The following ANKRD2 variants were observed in gnomAD, a reference collection of about 807,000 sequenced individuals.
ANKRD2 encodes ankyrin repeat domain-containing protein 2.
In ANKRD2, 35 loss-of-function variants were observed where a neutral mutation model predicts 37.3. That is an observed-to-expected ratio of 0.94 (90% CI 0.72 to 1.24). ANKRD2 has a LOEUF of 1.24. Among genes scored for constraint, ANKRD2 ranks in the 50% most tolerant of loss-of-function variants. The pLI is 0.00. For synonymous variants in ANKRD2, 159 were observed against 186.5 expected (o/e 0.85, Z 1.20); for missense variants, 410 against 445.6 (o/e 0.92, Z 0.72).
chr10:97,578,144 G>GGCCCA, intron 2 of ANKRD2, 96 bp from the exon 3 acceptor site: 3 of 685,446 alleles, frequency 4.4e-6, no homozygotes, highest in Non-Finnish European at 5.0e-6. Context: ...GGGTCTTCCT[G>GGCCCA]CCCACCCCAC....
At chr10:97,572,589 C>T, upstream of ANKRD2, 1 of 1,287,102 alleles carries the variant, frequency 7.8e-7, no homozygotes, top group Non-Finnish European at 1.1e-6. Context: ...TCTAATAGGC[C>T]AGGAGTTGGG....
chr10:97,576,668 T>TTTATTTA (rs371802494), intron 1 of ANKRD2, among the ~76,000 whole-genome samples: 4 of 140,466 alleles, frequency 2.8e-5, no homozygotes, highest in Non-Finnish European at 4.6e-5. Context: ...TTAAAACTTA[T>TTTATTTA]TTTATTTATT....
chr10:97,583,113 G>T (rs1250762133), intron 8 of ANKRD2, among the ~76,000 whole-genome samples: 1 of 152,166 alleles, frequency 6.6e-6, no homozygotes, highest in Non-Finnish European at 1.5e-5. Context: ...TAGGCAGGAA[G>T]TCCTTGGAAG....
rs751575047 is a variant in ANKRD2 at position 97,572,805 on chromosome 10, A to G, written c.17A>G (p.Glu6Gly). 7 of 1,577,348 alleles carry G rather than the reference A, an allele frequency of 4.4e-6. No individual in the cohort carries two copies. Among genetic ancestry groups the G allele is most frequent in the Non-Finnish European group, 4.3e-6 (5 of 1,161,904 alleles). Residue 6 changes from glutamate (E) to glycine (G), a missense_variant, in exon 1 of 9, where the codon GAG (glutamate) becomes GGG (glycine). Transcript: ENST00000370655. MDGTM[E>G]DSEAVQRATA... ...GAGGCGGTTATGGACGGCACCATGG[A>G]GGACTCCGAGGCGGTGCAGAGGGCC...
At chr10:97,578,166 GCTTA>G in intron 2 of ANKRD2, 70 bp from the exon 3 acceptor site, 1 of 387,034 alleles carries the variant, frequency 2.6e-6, no homozygotes. Context: ...CTCCCCACCA[GCTTA>G]GCTCAGAGGT....
intron 1 of ANKRD2, among the ~76,000 whole-genome samples, chr10:97,577,026 C>T (rs968735464): frequency 1.3e-5 from 2 of 150,876 alleles, no homozygotes; most frequent in Non-Finnish European, 3.0e-5. Flanking sequence ...GGGTCATTCT[C>T]TCTCTCTCTC....
intron 6 of ANKRD2, 27 bp from the exon 7 acceptor site, chr10:97,582,288 T>C (rs1330575100): frequency 1.3e-6 from 2 of 1,546,614 alleles, no homozygotes; most frequent in Admixed American, 2.0e-5. Flanking sequence ...CCCCGTCAAC[T>C]AGCAGTTCCT....
chr10:97,580,304 ATTGTGGC>A (rs1343647701), intron 4 of ANKRD2, among the ~76,000 whole-genome samples: 1 of 152,268 alleles, frequency 6.6e-6, no homozygotes, highest in Non-Finnish European at 1.5e-5. Context: ...ATGGAAAGAT[ATTGTGGC>A]TTGAGCGTTT....
intron 8 of ANKRD2, 140 bp downstream of exon 8, chr10:97,582,842 T>C: frequency 1.4e-6 from 1 of 697,790 alleles, no homozygotes. Flanking sequence ...AAACTTGTCC[T>C]CTTCCAGAGC....
rs759669168 is a variant in ANKRD2, at chr10:97,582,346, G to A, written c.686G>A (p.Arg229Gln). The change falls in exon 7 of 9, where the codon CGG (arginine) becomes CAG (glutamine). Residue 229 changes from arginine (R) to glutamine (Q), a missense_variant. By Grantham distance (43) the Arg-to-Gln change is conservative. Transcript: ENST00000370655. ...AGCACCCCGCTGCACGTGGCAGTCC[G>A]GACAGGGCAGGTGGAGATTGTGGAG... ...LLSTPLHVAV[R>Q]TGQVEIVEHF... 1.4e-5 allele frequency: 22 copies of A among 1,559,740 alleles called. No homozygotes were observed. Among genetic ancestry groups the A allele is most frequent in the Admixed American group, 3.8e-5 (2 of 51,950 alleles).
chr10:97,574,825 C>A (rs1361235371), intron 1 of ANKRD2, among the ~76,000 whole-genome samples: 3 of 151,944 alleles, frequency 2.0e-5, no homozygotes, highest in East Asian at 3.9e-4. Flanking sequence ...CTCCCTCCCC[C>A]AAGGGCATGT....
At chr10:97,576,837 C>T (rs538941646) in intron 1 of ANKRD2, among the ~76,000 whole-genome samples, 1 of 152,074 alleles carries the variant, frequency 6.6e-6, no homozygotes, top group Non-Finnish European at 1.5e-5. Flanking sequence ...GCTGGGACTA[C>T]AGGTGCGTGC....
In ANKRD2 at chr10:97,582,375, T is replaced by C. The variant is rs1315724848; in HGVS notation, c.715T>C (p.Phe239Leu). 3.2e-6 allele frequency: 5 copies of C among 1,562,850 alleles called. No individual in the cohort carries two copies. The highest frequency in any genetic ancestry group is 4.3e-6 in the Non-Finnish European group (5 of 1,152,958). ...AGGGCAGGTGGAGATTGTGGAGCAC[T>C]TTCTATCCCTGGGCCTGGAAATCAA... ...RTGQVEIVEH[F>L]LSLGLEINAR... The change falls in exon 7 of 9, where the codon TTT becomes CTT. Residue 239 changes from phenylalanine to leucine, a missense_variant. Coordinates refer to ENST00000370655, the MANE Select transcript of ANKRD2 (RefSeq NM_001346793.2).
chr10:97,582,700 C>G lies in ANKRD2; in HGVS notation c.850C>G (p.Leu284Val). ...LHGADMMTKN[L>V]AGKTPTDLVQ... ...TGGGGCTGACATGATGACCAAGAAC[C>G]TGGTAAGCTCATTCCCTCCTTGATT... Residue 284 changes from leucine to valine, a missense_variant and splice_region_variant, in exon 8 of 9, where the codon CTG becomes GTG. Leu to Val is a conservative substitution (Grantham distance 32). Transcript: ENST00000370655. 1.2e-6 allele frequency: 2 copies of G among 1,613,964 alleles called. No homozygotes were observed. The highest frequency in any genetic ancestry group is 1.7e-6 in the Non-Finnish European group (2 of 1,179,906).
intron 1 of ANKRD2, among the ~76,000 whole-genome samples, chr10:97,577,265 A>C (rs911484853): frequency 3.3e-5 from 5 of 151,874 alleles, no homozygotes; most frequent in Admixed American, 3.3e-4. Context: ...CAGCCTCCCA[A>C]AGTGCTGGGA....
chr10:97,582,263 G>T (rs2040906999), intron 6 of ANKRD2, 52 bp from the exon 7 acceptor site: 5 of 1,486,280 alleles, frequency 3.4e-6, no homozygotes, highest in African/African-American at 1.4e-5. Flanking sequence ...CTTCCCAGGG[G>T]TACCACAGTT....
intron 1 of ANKRD2, among the ~76,000 whole-genome samples, chr10:97,575,885 T>C (rs2040820837): frequency 6.7e-6 from 1 of 148,586 alleles, no homozygotes; most frequent in Non-Finnish European, 1.5e-5. Flanking sequence ...CACTCCAGCC[T>C]GGGTGACAGA....
At chr10:97,572,479 A>C, upstream of ANKRD2, 1 of 537,284 alleles carries the variant, frequency 1.9e-6, no homozygotes, top group South Asian at 3.1e-5. Context: ...TTTGCAACTC[A>C]GTTGCCTTGG....
At chr10:97,578,145 C>CCCCCCCCCCCCCCCCCCAA in intron 2 of ANKRD2, 95 bp from the exon 3 acceptor site, 1 of 376,492 alleles carries the variant, frequency 2.7e-6, no homozygotes, top group Non-Finnish European at 5.2e-6. Flanking sequence ...GGTCTTCCTG[C>CCCCCCCCCCCCCCCCCCAA]CCACCCCACC....
Sources: gnomAD v4.1 joint callset for allele counts (sites outside exome capture counted in the v4.1 genomes callset) on GRCh38, gnomAD v4.1.1 for gene constraint, MANE v1.5 for transcripts, NCBI Gene and HGNC (gene_info 2026-07-23, HGNC 2026-07-21) for gene names.